NEBL: variants seen among roughly 807,000 people sequenced by gnomAD.
The protein encoded by NEBL is LIM and SH3 protein 2.
Under a neutral mutation model 140.2 loss-of-function variants are expected in NEBL, and 122 were observed. The observed-to-expected ratio is 0.87, with a 90% CI of 0.75 to 1.01. The LOEUF is 1.01. Among genes scored for constraint, NEBL ranks in the 50% least tolerant of loss-of-function variants. The pLI is 0.00. For synonymous variants in NEBL, 436 were observed against 398.9 expected (o/e 1.09, Z -1.11); for missense variants, 1,365 against 1,231.3 (o/e 1.11, Z -1.62).
chr10:20,852,705 AAATACTTAGAAATACAAACTGC>A, intron 9 of NEBL, 56 bp from the exon 10 acceptor site: 1 of 1,318,960 alleles, frequency 7.6e-7, no homozygotes, highest in Non-Finnish European at 1.1e-6. Flanking sequence ...TTAGAGCAAT[AAATACTTAGAAATACAAACTGC>A]ACATTACAAG....
At chr10:20,991,927 T>C (rs937577492) in intron 3 of NEBL, among the ~76,000 whole-genome samples, 1 of 152,202 alleles carries the variant, frequency 6.6e-6, no homozygotes, top group Non-Finnish European at 1.5e-5. Context: ...TGCATCCATG[T>C]TGCTACAAAG....
In NEBL at chr10:20,851,947, G is replaced by T. The variant is rs556353281; in HGVS notation, c.1008+598C>A. ...AGTTCCACAGAATACATTTAAAAGA[G>T]TGATATAATATTTTATCTTAACAGA... On this transcript the variant is annotated intron_variant, in intron 10 of 27. Transcript: ENST00000377122. 4.2e-4 allele frequency among the ~76,000 whole-genome samples: 64 copies of T among 150,984 alleles called. 2 individuals carry two copies. The South Asian group carries it at 9.1e-3, about 22-fold the overall frequency.
chr10:21,112,818 C>T (rs530787108), intron 2 of NEBL: 118 of 209,666 alleles, frequency 5.6e-4, no homozygotes, highest in Non-Finnish European at 9.0e-4. Flanking sequence ...TTTGAAATTA[C>T]ACCACCCAGT....
intron 1 of NEBL, among the ~76,000 whole-genome samples, chr10:21,271,400 G>A (rs1481361872): frequency 6.6e-6 from 1 of 152,166 alleles, no homozygotes; most frequent in African/African-American, 2.4e-5. Context: ...AAATAAAGAT[G>A]TTGGTGAAAG....
intron 2 of NEBL, among the ~76,000 whole-genome samples, chr10:21,120,401 T>A (rs1442027916): frequency 1.0e-4 from 12 of 117,980 alleles, no homozygotes; most frequent in African/African-American, 4.0e-4. Context: ...TACATATATA[T>A]ATATATATAT....
At chr10:21,253,163 G>A (rs1485982745) in intron 1 of NEBL, among the ~76,000 whole-genome samples, 2 of 152,186 alleles carry the variant, frequency 1.3e-5, no homozygotes, top group African/African-American at 4.8e-5. Flanking sequence ...TCAGGAGGCT[G>A]AGGCAAGAGA....
intron 1 of NEBL, chr10:21,172,526 C>T: frequency 1.4e-6 from 2 of 1,421,598 alleles, no homozygotes; most frequent in Non-Finnish European, 2.0e-6. Context: ...TGCCAGTTCT[C>T]ACCAGGATGG....
At chr10:21,288,760 CAAA>C (rs59316290) in intron 1 of NEBL, among the ~76,000 whole-genome samples, 1 of 46,864 alleles carries the variant, frequency 2.1e-5, no homozygotes, top group Non-Finnish European at 4.0e-5. Context: ...ACTCCATCGC[CAAA>C]AAAAAAAAAA....
intron 3 of NEBL, among the ~76,000 whole-genome samples, chr10:20,992,568 G>A (rs1217813388): frequency 6.6e-6 from 1 of 152,036 alleles, no homozygotes; most frequent in African/African-American, 2.4e-5. Context: ...CCTCTTATCA[G>A]CAGATTTAAT....
intron 2 of NEBL, among the ~76,000 whole-genome samples, chr10:21,041,964 G>GC (rs1951065449): frequency 6.6e-6 from 1 of 152,166 alleles, no homozygotes; most frequent in Non-Finnish European, 1.5e-5. Context: ...GAGCAGCGAG[G>GC]ATGACCAGAG....
chr10:20,875,956 C>T lies in NEBL; in HGVS notation c.480+4838G>A, dbSNP rs184955152. Among the ~76,000 whole-genome samples, 244 of 152,296 alleles carry T rather than the reference C, an allele frequency of 1.6e-3. 2 individuals are homozygous for T. The highest frequency in any genetic ancestry group is 2.8e-3 in the Non-Finnish European group (189 of 68,032). On this transcript the variant is annotated intron_variant, in intron 5 of 27. Transcript: ENST00000377122. ...ATGGTTCAACCCATCTCAGGAAAAC[C>T]TTTGTCTTTAGCAAAACTCTCACAT...
intron 4 of NEBL, among the ~76,000 whole-genome samples, chr10:20,912,574 T>C (rs1175815650): frequency 6.6e-6 from 1 of 152,220 alleles, no homozygotes; most frequent in Non-Finnish European, 1.5e-5. Flanking sequence ...TCAACCACTT[T>C]CATGAATCCA....
chr10:21,197,583 G>A (rs1246170729), intron 3 of NEBL, among the ~76,000 whole-genome samples: 2 of 152,118 alleles, frequency 1.3e-5, no homozygotes, highest in African/African-American at 2.4e-5. Context: ...ATGAAAATAA[G>A]TCAGGCTTAC....
chr10:20,969,013 T>C (rs563122229), intron 3 of NEBL, among the ~76,000 whole-genome samples: 1 of 152,204 alleles, frequency 6.6e-6, no homozygotes, highest in South Asian at 2.1e-4. Flanking sequence ...TGTTTGGTGC[T>C]AAGCAGGTGC....
chr10:20,814,642 C>CACACACACAAA, intron 22 of NEBL, among the ~76,000 whole-genome samples: 1 of 95,946 alleles, frequency 1.0e-5, no homozygotes. Flanking sequence ...ACACACACAA[C>CACACACACAAA]TGGTTATCAT....
intron 2 of NEBL, among the ~76,000 whole-genome samples, chr10:21,130,754 T>C (rs891805609): frequency 5.9e-5 from 9 of 152,086 alleles, no homozygotes; most frequent in Non-Finnish European, 1.2e-4. Flanking sequence ...CTGAAGGAAA[T>C]TTATAACATT....
intron 2 of NEBL, among the ~76,000 whole-genome samples, chr10:21,161,497 T>C (rs1270381439): frequency 6.6e-6 from 1 of 152,186 alleles, no homozygotes; most frequent in East Asian, 1.9e-4. Context: ...CGTGTGCTTG[T>C]AGACAAAGGC....
chr10:21,243,602 G>A (rs1179523591), intron 3 of NEBL, among the ~76,000 whole-genome samples: 1 of 151,950 alleles, frequency 6.6e-6, no homozygotes, highest in African/African-American at 2.4e-5. Flanking sequence ...ATGTGTATTG[G>A]CTCGTTATGA....
intron 26 of NEBL, among the ~76,000 whole-genome samples, chr10:20,790,952 T>C (rs1835902808): frequency 6.6e-6 from 1 of 152,222 alleles, no homozygotes; most frequent in South Asian, 2.1e-4. Context: ...AGTAAAAGCA[T>C]AGTGCCCTGT....
Sources: allele counts gnomAD v4.1 joint callset (sites outside exome capture counted in the v4.1 genomes callset), GRCh38; gene constraint gnomAD v4.1.1; transcripts MANE v1.5; gene names NCBI Gene and HGNC (gene_info 2026-07-23, HGNC 2026-07-21).